Variants in RFX2 observed in about 807,000 individuals in gnomAD.
RFX2 encodes DNA-binding protein RFX2.
Under a neutral mutation model 87.8 loss-of-function variants are expected in RFX2, and 20 were observed. That is an observed-to-expected ratio of 0.23 (90% CI 0.16 to 0.33). RFX2 has a LOEUF of 0.33. RFX2 is among the 10% of genes least tolerant of loss of function. The pLI, the probability that RFX2 is intolerant of heterozygous loss-of-function variation, is 1.00. For missense variants in RFX2, 767 were observed against 1,012.3 expected (o/e 0.76, Z 3.29); for synonymous variants, 397 against 431.3 (o/e 0.92, Z 0.98).
rs963121542 is a variant in RFX2 at position 6,011,643 on chromosome 19, G to C, written c.899+1343C>G. ...AATTGAACAACAGCAGTGAGCTCCAGAGTCCATGTCTGCAGACAACGAGGT... is the reference window on the plus strand; with the variant it reads ...AATTGAACAACAGCAGTGAGCTCCACAGTCCATGTCTGCAGACAACGAGGT... On this transcript the variant is annotated intron_variant, in intron 8 of 17. Transcript: ENST00000303657. This position sits in a 1 kb window ranked among gnomAD's most constrained non-coding sequence, Gnocchi z 4.8. 6.6e-6 allele frequency among the ~76,000 whole-genome samples: 1 copy of C among 152,230 alleles called. No individual in the cohort carries two copies. Among genetic ancestry groups the C allele is most frequent in the Non-Finnish European group, 1.5e-5 (1 of 68,038 alleles).
In RFX2 at chr19:6,047,281, C is replaced by A. The variant is rs1265218700; in HGVS notation, c.90+126G>T. On this transcript the variant is annotated intron_variant, in intron 2 of 17. Coordinates refer to ENST00000303657, the MANE Select transcript of RFX2 (RefSeq NM_000635.4). This position sits in a 1 kb window ranked among gnomAD's most constrained non-coding sequence, Gnocchi z 4.2. ...TGTGCCTATTTCAACAGCAGCAGCACTGGGACTGAGAAGTCCATTCAGAAA... is the reference window on the plus strand; with the variant it reads ...TGTGCCTATTTCAACAGCAGCAGCAATGGGACTGAGAAGTCCATTCAGAAA... The A allele has an allele frequency of 1.4e-5, 10 of 718,418 alleles. No individual in the cohort carries two copies. The African/African-American group carries it at 1.8e-4, about 13-fold the overall frequency. The allele number at this position is 718,418 out of a possible 1,614,324, so 44.5% of individuals were successfully genotyped here.
chr19:6,105,212 G>A (rs1250851835), intron 1 of RFX2, among the ~76,000 whole-genome samples: 3 of 152,000 alleles, frequency 2.0e-5, no homozygotes, highest in African/African-American at 7.2e-5. Flanking sequence ...CAATAAATAC[G>A]TATAACTTAT....
chr19:6,018,934 G>C (rs965031242), intron 6 of RFX2, among the ~76,000 whole-genome samples: 1 of 152,106 alleles, frequency 6.6e-6, no homozygotes, highest in African/African-American at 2.4e-5. Flanking sequence ...TTCCCTGGCC[G>C]CCCCTGAATC....
intron 3 of RFX2, among the ~76,000 whole-genome samples, chr19:6,043,269 C>T (rs985040949): frequency 2.0e-5 from 3 of 152,208 alleles, no homozygotes; most frequent in Non-Finnish European, 4.4e-5. Context: ...TAAGACAGAG[C>T]CACTGGCCTG....
chr19:5,996,312 G>T (rs1356493080), intron 16 of RFX2, among the ~76,000 whole-genome samples: 1 of 152,292 alleles, frequency 6.6e-6, no homozygotes, highest in Admixed American at 6.5e-5. Flanking sequence ...CAGAGAGGGA[G>T]CGACCGTGCA....
At chr19:6,089,130 T>C (rs1599924119) in intron 1 of RFX2, among the ~76,000 whole-genome samples, 4 of 152,356 alleles carry the variant, frequency 2.6e-5, no homozygotes, top group Admixed American at 2.6e-4. Flanking sequence ...GTTTGCCCAC[T>C]CTGTATTAGA....
At chr19:6,036,667 G>A (rs186470067) in intron 5 of RFX2, among the ~76,000 whole-genome samples, 20 of 151,862 alleles carry the variant, frequency 1.3e-4, no homozygotes, top group Admixed American at 3.3e-4. Flanking sequence ...GTAAAAAAAC[G>A]TTTGACAGAA....
At chr19:6,018,262 G>A (rs1027609447) in intron 6 of RFX2, among the ~76,000 whole-genome samples, 2 of 152,294 alleles carry the variant, frequency 1.3e-5, no homozygotes, top group African/African-American at 2.4e-5. Context: ...GAGCCACCGC[G>A]CCCGGCCTTC....
chr19:6,086,727 C>A (rs748166349), intron 1 of RFX2, among the ~76,000 whole-genome samples: 2 of 152,214 alleles, frequency 1.3e-5, no homozygotes, highest in African/African-American at 4.8e-5. Context: ...GATGCATCCA[C>A]GCACACGGCT....
intron 1 of RFX2, among the ~76,000 whole-genome samples, chr19:6,059,736 CAA>C (rs1361899787): frequency 2.0e-5 from 3 of 151,568 alleles, no homozygotes; most frequent in Non-Finnish European, 4.4e-5. Flanking sequence ...CACATATACA[CAA>C]ACACACACAC....
chr19:6,039,853 C>T lies in RFX2; in HGVS notation c.522+127G>A. ...AGGCTGGCCCGACTCCATCGTGGGGCCGCCTGGGCCCAGAGCAGACGACAG... is the reference window on the plus strand; with the variant it reads ...AGGCTGGCCCGACTCCATCGTGGGGTCGCCTGGGCCCAGAGCAGACGACAG... On this transcript the variant is annotated intron_variant, in intron 5 of 17. Coordinates refer to ENST00000303657, the MANE Select transcript of RFX2 (RefSeq NM_000635.4). The surrounding 1 kb of genome is among the most constrained non-coding windows in gnomAD (Gnocchi z 5.2). 8.6e-7 allele frequency: 1 copy of T among 1,168,416 alleles called. No homozygotes were observed. The highest frequency in any genetic ancestry group is 1.2e-6 in the Non-Finnish European group (1 of 861,744). 72.4% of individuals were successfully genotyped at this position (1,168,416 alleles called of 1,614,324 possible).
At chr19:6,035,716 A>T (rs2087012655) in intron 5 of RFX2, among the ~76,000 whole-genome samples, 1 of 152,120 alleles carries the variant, frequency 6.6e-6, no homozygotes, top group Admixed American at 6.5e-5. Flanking sequence ...GGCTCTTGGA[A>T]AGTCTCGAAT....
At chr19:6,107,826 A>G (rs1055224777) in intron 1 of RFX2, among the ~76,000 whole-genome samples, 5 of 152,178 alleles carry the variant, frequency 3.3e-5, no homozygotes, top group Non-Finnish European at 7.3e-5. Flanking sequence ...CAGTACTTCA[A>G]TGATAAACAA....
intron 1 of RFX2, among the ~76,000 whole-genome samples, chr19:6,052,682 T>C (rs986952501): frequency 1.3e-5 from 2 of 152,180 alleles, no homozygotes; most frequent in Non-Finnish European, 2.9e-5. Flanking sequence ...ACCATAATTA[T>C]ACAGAGCATG....
In RFX2 at chr19:6,056,226, G is replaced by A. The variant is rs1478780626; in HGVS notation, c.-8-8722C>T. On this transcript the variant is annotated intron_variant, in intron 1 of 17. Transcript: ENST00000303657. This position sits in a 1 kb window ranked among gnomAD's most constrained non-coding sequence, Gnocchi z 4.6. ...TGTAAAAATACAAGGGTGGAGAGGAGGACGGAGAGTGGGTACAGGTATCCA... is the reference window on the plus strand; with the variant it reads ...TGTAAAAATACAAGGGTGGAGAGGAAGACGGAGAGTGGGTACAGGTATCCA... Among the ~76,000 whole-genome samples, 1 of 152,206 alleles carries A rather than the reference G, an allele frequency of 6.6e-6. No individual in the cohort carries two copies. The highest frequency in any genetic ancestry group is 1.5e-5 in the Non-Finnish European group (1 of 68,036).
At chr19:6,073,735 T>C (rs1211059483) in intron 1 of RFX2, among the ~76,000 whole-genome samples, 1 of 152,150 alleles carries the variant, frequency 6.6e-6, no homozygotes, top group African/African-American at 2.4e-5. Flanking sequence ...TGCATTTCTG[T>C]GTAAGTCAAA....
chr19:6,052,081 T>C (rs960591010), intron 1 of RFX2, among the ~76,000 whole-genome samples: 4 of 152,126 alleles, frequency 2.6e-5, no homozygotes, highest in African/African-American at 9.7e-5. Flanking sequence ...TTTCACCTTG[T>C]TAGCCAGGAT....
chr19:5,996,710 A>G lies in RFX2; in HGVS notation c.2013+350T>C, dbSNP rs535197621. Among the ~76,000 whole-genome samples the G allele has an allele frequency of 3.9e-5, 6 of 152,372 alleles. No individual in the cohort carries two copies. The East Asian group carries it at 7.7e-4, about 20-fold the overall frequency. On this transcript the variant is annotated intron_variant, in intron 16 of 17. Transcript: ENST00000303657. ...TCTCTCCCTATGTGTGTGTTACCACAATAAACAGAAAACTCTGGGTGGTGT... is the reference window on the plus strand; with the variant it reads ...TCTCTCCCTATGTGTGTGTTACCACGATAAACAGAAAACTCTGGGTGGTGT...
intron 5 of RFX2, among the ~76,000 whole-genome samples, chr19:6,030,727 C>A (rs561980215): frequency 1.1e-4 from 16 of 152,216 alleles, no homozygotes; most frequent in Non-Finnish European, 1.8e-4. Flanking sequence ...CTGTCCACTG[C>A]AAAATGGTGA....
Sources: gnomAD v4.1 joint callset for allele counts (sites outside exome capture counted in the v4.1 genomes callset) on GRCh38, gnomAD v4.1.1 for gene constraint, Gnocchi (gnomAD v3.1) non-coding constraint, MANE v1.5 for transcripts, NCBI Gene and HGNC (gene_info 2026-07-23, HGNC 2026-07-21) for gene names.